ZPBP: variants seen among roughly 807,000 people sequenced by gnomAD.
The protein encoded by ZPBP is zona pellucida-binding protein 1.
In ZPBP, 26 loss-of-function variants were observed where a neutral mutation model predicts 44.8. That is an observed-to-expected ratio of 0.58 (90% CI 0.43 to 0.81). The LOEUF is 0.81. Ranked by LOEUF, ZPBP falls within the 30% of genes least tolerant of loss-of-function variation. The pLI is 0.00. For synonymous variants in ZPBP, 174 were observed against 153.2 expected (o/e 1.14, Z -1.00); for missense variants, 409 against 434.0 (o/e 0.94, Z 0.51).
intron 2 of ZPBP, among the ~76,000 whole-genome samples, chr7:49,900,761 T>A (rs537605753): frequency 1.3e-5 from 2 of 151,974 alleles, no homozygotes; most frequent in East Asian, 3.9e-4. Context: ...TATTTTACAA[T>A]TTCTTTCAGC....
the ZPBP span, among the ~76,000 whole-genome samples, chr7:49,842,247 G>GAACT: frequency 2.6e-5 from 4 of 152,142 alleles, no homozygotes; most frequent in Non-Finnish European, 5.9e-5. Flanking sequence ...GGATATGCAT[G>GAACT]AACTAGTAAA....
chr7:50,068,628 T>C (rs1801661260), intron 3 of ZPBP, among the ~76,000 whole-genome samples: 1 of 152,202 alleles, frequency 6.6e-6, no homozygotes, highest in African/African-American at 2.4e-5. Flanking sequence ...GGGTTGCTGC[T>C]AGTAAATTAG....
the ZPBP span, among the ~76,000 whole-genome samples, chr7:49,841,626 G>A: frequency 5.3e-5 from 8 of 152,320 alleles, no homozygotes; most frequent in Non-Finnish European, 4.4e-5. Flanking sequence ...CTTCCGGGAG[G>A]ACAGAGGTTC....
intron 2 of ZPBP, among the ~76,000 whole-genome samples, chr7:50,089,004 A>G (rs546649262): frequency 6.6e-6 from 1 of 152,206 alleles, no homozygotes; most frequent in African/African-American, 2.4e-5. Context: ...CACATAGTGT[A>G]TGACTCCATT....
chr7:50,059,000 T>C (rs762232264), intron 3 of ZPBP, among the ~76,000 whole-genome samples: 16 of 152,202 alleles, frequency 1.1e-4, no homozygotes, highest in Non-Finnish European at 2.4e-4. Context: ...TCTCACAGGA[T>C]TTCTCTGTAT....
chr7:49,891,424 C>G lies in ZPBP; in HGVS notation n.509+9694G>C, dbSNP rs577079493. 3.4e-4 allele frequency among the ~76,000 whole-genome samples: 52 copies of G among 152,266 alleles called. No individual in the cohort carries two copies. The South Asian group carries it at 7.5e-3, about 22-fold the overall frequency. ...TTGTCATCACACATCAGACAAAGGA[C>G]TTTTGCAGAGTACATGAAAATTCTG... On this transcript the variant is annotated intron_variant and non_coding_transcript_variant, in intron 2 of 2. Transcript: ENST00000465922.
At chr7:50,027,209 T>C (rs1799380452) in intron 5 of ZPBP, among the ~76,000 whole-genome samples, 2 of 152,038 alleles carry the variant, frequency 1.3e-5, no homozygotes, top group South Asian at 2.1e-4. Flanking sequence ...AAATTGCAAG[T>C]TGATGTCACC....
chr7:49,929,188 C>G (rs1369251759), intron 1 of ZPBP, among the ~76,000 whole-genome samples: 1 of 152,222 alleles, frequency 6.6e-6, no homozygotes, highest in Admixed American at 6.5e-5. Context: ...AGACATTGAG[C>G]CTCTTTCTTG....
Position 49,966,732 on chromosome 7 carries a change from A to G in ZPBP, c.961+16610T>C, listed in dbSNP as rs552992449. ...TTACCCAAAAGACACAAACAATCAA[A>G]ACTTTTCTAAGAAATAAACAACTTT... On this transcript the variant is annotated intron_variant, in intron 7 of 7. Coordinates refer to ENST00000046087, the MANE Select transcript of ZPBP (RefSeq NM_007009.3). 6.6e-5 allele frequency among the ~76,000 whole-genome samples: 10 copies of G among 152,274 alleles called. No individual in the cohort carries two copies. In the South Asian group the frequency reaches 2.1e-3, roughly 32 times the overall value.
chr7:49,891,710 CT>C (rs1792136874), intron 2 of ZPBP, among the ~76,000 whole-genome samples: 1 of 152,174 alleles, frequency 6.6e-6, no homozygotes, highest in Non-Finnish European at 1.5e-5. Context: ...ACATTTATTG[CT>C]TTCTGCTACA....
chr7:50,032,701 C>T (rs550472521), intron 4 of ZPBP, among the ~76,000 whole-genome samples: 2 of 152,336 alleles, frequency 1.3e-5, no homozygotes, highest in East Asian at 3.9e-4. Context: ...CACTGAACAT[C>T]TTTTTGCCTT....
At chr7:49,895,260 C>A (rs916678292) in intron 2 of ZPBP, among the ~76,000 whole-genome samples, 4 of 152,110 alleles carry the variant, frequency 2.6e-5, no homozygotes, top group African/African-American at 9.7e-5. Context: ...CCTAAGATCA[C>A]CAAATCCCAC....
At chr7:50,081,694 A>C in intron 3 of ZPBP, 80 bp downstream of exon 3, 1 of 1,495,270 alleles carries the variant, frequency 6.7e-7, no homozygotes, top group Non-Finnish European at 9.2e-7. Flanking sequence ...ATAAATATGT[A>C]TGAGATACAA....
intron 2 of ZPBP, among the ~76,000 whole-genome samples, chr7:50,088,088 C>A (rs1175371386): frequency 6.6e-6 from 1 of 151,966 alleles, no homozygotes; most frequent in African/African-American, 2.4e-5. Context: ...ACATATAAAT[C>A]AATGGTATAG....
intron 1 of ZPBP, among the ~76,000 whole-genome samples, chr7:49,906,997 T>G (rs1308108615): frequency 6.6e-6 from 1 of 152,044 alleles, no homozygotes; most frequent in African/African-American, 2.4e-5. Context: ...AAGTGACCCA[T>G]CAATAGAGTC....
In ZPBP at chr7:50,093,078, C is replaced by A. The variant is rs1388364364; in HGVS notation, c.117G>T (p.Val39=). The change falls in exon 1 of 8, where the codon GTG becomes GTT. Residue 39 remains valine (V), a synonymous_variant. Transcript: ENST00000046087. The part of the protein sequence containing the change: ...LLFISAFLVR[V]PSSVGHLVRL... ...GGCGCGGACCCTCACCTGATGAGGG[C>A]ACCCGCACCAGGAAGGCGGAGATAA... 1.9e-6 allele frequency: 3 copies of A among 1,600,802 alleles called. No individual in the cohort carries two copies. The African/African-American group carries it at 4.0e-5, about 22-fold the overall frequency.
At chr7:50,005,823 A>ATGTG (rs71018444) in intron 6 of ZPBP, among the ~76,000 whole-genome samples, 9,602 of 144,734 alleles carry the variant, frequency 0.066, 394 homozygotes, top group Middle Eastern at 0.16. Context: ...ATAACTATAT[A>ATGTG]TGTGTGTGTG....
chr7:49,981,332 AAT>A (rs1400208073), intron 7 of ZPBP, among the ~76,000 whole-genome samples: 4 of 41,626 alleles, frequency 9.6e-5, no homozygotes, highest in Admixed American at 3.8e-4. Context: ...TATATATTAT[AAT>A]TATATATATT....
At chr7:49,913,581 G>T (rs1793570554) in intron 1 of ZPBP, 1 of 152,040 alleles carries the variant, frequency 6.6e-6, no homozygotes, top group Admixed American at 6.6e-5. Flanking sequence ...TTTGCATTAA[G>T]AACCTATTAA....
Sources: allele counts gnomAD v4.1 joint callset (sites outside exome capture counted in the v4.1 genomes callset), GRCh38; gene constraint gnomAD v4.1.1; transcripts MANE v1.5; gene names NCBI Gene and HGNC (gene_info 2026-07-23, HGNC 2026-07-21).